Variants in ARHGAP15 observed in about 807,000 individuals in gnomAD.
ARHGAP15 encodes Rho GTPase activating protein 15.
A neutral mutation model predicts 63.7 loss-of-function variants in ARHGAP15; 51 were observed. The ratio of observed to expected loss-of-function variants is 0.80; its 90% confidence interval spans 0.64 to 1.01. The LOEUF (loss-of-function observed/expected upper bound fraction) is 1.01. Ranked by LOEUF, ARHGAP15 falls within the 50% of genes least tolerant of loss-of-function variation. ARHGAP15 has a pLI of 0.00. For missense variants in ARHGAP15, 560 were observed against 564.6 expected (o/e 0.99, Z 0.08); for synonymous variants, 191 against 193.8 (o/e 0.99, Z 0.12).
At chr2:143,587,865 TG>T (rs1697170879) in intron 11 of ARHGAP15, 6 of 377,120 alleles carry the variant, frequency 1.6e-5, no homozygotes, top group South Asian at 1.3e-4. Context: ...TAGTATTGAG[TG>T]ATAGAAGAGC....
At chr2:143,465,246 G>A (rs938680515) in intron 8 of ARHGAP15, among the ~76,000 whole-genome samples, 2 of 152,152 alleles carry the variant, frequency 1.3e-5, no homozygotes, top group East Asian at 3.9e-4. Flanking sequence ...AATCAAGAGA[G>A]GGAGGACAAG....
At chr2:143,690,652 A>G (rs1265059505) in intron 12 of ARHGAP15, among the ~76,000 whole-genome samples, 1 of 152,126 alleles carries the variant, frequency 6.6e-6, no homozygotes, top group Non-Finnish European at 1.5e-5. Flanking sequence ...ATTTTTTTTC[A>G]CTATCTAAAC....
chr2:143,620,035 T>C (rs185940011), intron 11 of ARHGAP15, among the ~76,000 whole-genome samples: 201 of 152,308 alleles, frequency 1.3e-3, no homozygotes, highest in Middle Eastern at 3.4e-3. Flanking sequence ...CTTACAATGT[T>C]TGTTCAGTGT....
intron 2 of ARHGAP15, among the ~76,000 whole-genome samples, chr2:143,168,147 A>G (rs1305506481): frequency 6.6e-6 from 1 of 152,098 alleles, no homozygotes; most frequent in Non-Finnish European, 1.5e-5. Flanking sequence ...TCTCATTTGG[A>G]CTTAATTTCA....
intron 8 of ARHGAP15, among the ~76,000 whole-genome samples, chr2:143,460,285 C>T (rs905476593): frequency 3.3e-5 from 5 of 152,194 alleles, no homozygotes; most frequent in Non-Finnish European, 1.5e-5. Context: ...CTCTTCTCTT[C>T]TGAAATTCAA....
chr2:143,411,779 T>A (rs1217415482), intron 6 of ARHGAP15, among the ~76,000 whole-genome samples: 1 of 152,178 alleles, frequency 6.6e-6, no homozygotes, highest in Non-Finnish European at 1.5e-5. Flanking sequence ...CAAAAATACA[T>A]GTCAATTAAA....
intron 11 of ARHGAP15, among the ~76,000 whole-genome samples, chr2:143,557,456 A>G (rs1368666383): frequency 6.6e-6 from 1 of 152,104 alleles, no homozygotes; most frequent in East Asian, 1.9e-4. Context: ...GAGTGGAAGC[A>G]GTAGGACGAG....
chr2:143,215,060 A>C (rs928250240), intron 3 of ARHGAP15, among the ~76,000 whole-genome samples: 4 of 152,226 alleles, frequency 2.6e-5, no homozygotes, highest in African/African-American at 9.6e-5. Flanking sequence ...CAGGTGTGAA[A>C]GGTACAGTTT....
At chr2:143,605,036 G>A (rs1238994011) in intron 11 of ARHGAP15, among the ~76,000 whole-genome samples, 1 of 152,102 alleles carries the variant, frequency 6.6e-6, no homozygotes, top group Admixed American at 6.5e-5. Context: ...AGCCTCCTGA[G>A]TAGCTAGGAT....
chr2:143,726,602 A>G lies in ARHGAP15; in HGVS notation c.1244+23078A>G, dbSNP rs567520168. 3.9e-5 allele frequency among the ~76,000 whole-genome samples: 6 copies of G among 152,340 alleles called. No individual in the cohort carries two copies. The South Asian group carries it at 1.2e-3, about 32-fold the overall frequency. ...TACATGGAGACGTTTGATCTAAATT[A>G]CACTCCAAACCACACCAAATTGGGA... On this transcript the variant is annotated intron_variant, in intron 13 of 13. Transcript: ENST00000295095.
intron 8 of ARHGAP15, among the ~76,000 whole-genome samples, chr2:143,438,795 A>T (rs1025693995): frequency 6.6e-6 from 1 of 152,140 alleles, no homozygotes; most frequent in Non-Finnish European, 1.5e-5. Flanking sequence ...GGGAGTATAT[A>T]TTTAGTGTTA....
chr2:143,338,628 T>A (rs188835489), intron 6 of ARHGAP15, among the ~76,000 whole-genome samples: 1 of 152,316 alleles, frequency 6.6e-6, no homozygotes, highest in East Asian at 1.9e-4. Context: ...ACTGTCAGAA[T>A]AATGACTTTA....
chr2:143,581,551 C>A (rs1574660734), intron 11 of ARHGAP15, among the ~76,000 whole-genome samples: 1 of 152,264 alleles, frequency 6.6e-6, no homozygotes, highest in East Asian at 1.9e-4. Context: ...TTTGCCATAG[C>A]ATTTAGTACT....
chr2:143,432,298 A>G (rs1689423276), intron 6 of ARHGAP15, among the ~76,000 whole-genome samples: 1 of 152,082 alleles, frequency 6.6e-6, no homozygotes, highest in South Asian at 2.1e-4. Flanking sequence ...TAAAAAATCT[A>G]ATAGCATAAA....
intron 12 of ARHGAP15, among the ~76,000 whole-genome samples, chr2:143,639,542 G>T (rs1252880479): frequency 2.0e-5 from 3 of 152,090 alleles, no homozygotes; most frequent in African/African-American, 7.2e-5. Flanking sequence ...TGTGCAAAAT[G>T]CATCACTAGA....
At chr2:143,767,846 G>A in intron 13 of ARHGAP15, 143 bp from the exon 14 acceptor site, 2 of 802,394 alleles carry the variant, frequency 2.5e-6, no homozygotes, top group Non-Finnish European at 3.8e-6. Flanking sequence ...CTTCCATACA[G>A]TAAAGTATGT....
At chr2:143,166,010 G>A (rs1690506393) in intron 2 of ARHGAP15, among the ~76,000 whole-genome samples, 1 of 136,758 alleles carries the variant, frequency 7.3e-6, no homozygotes, top group Non-Finnish European at 1.6e-5. Flanking sequence ...AAGAAGGAAG[G>A]AAGGAAAAAA....
chr2:143,171,413 G>A (rs942196592), intron 2 of ARHGAP15, among the ~76,000 whole-genome samples: 1 of 152,066 alleles, frequency 6.6e-6, no homozygotes, highest in African/African-American at 2.4e-5. Context: ...GAAACAACAC[G>A]GCAGGAAGAG....
At chr2:143,315,414 A>T (rs1558886221) in intron 6 of ARHGAP15, among the ~76,000 whole-genome samples, 1 of 152,200 alleles carries the variant, frequency 6.6e-6, no homozygotes, top group Non-Finnish European at 1.5e-5. Flanking sequence ...TGATATTATT[A>T]TAATAACAAT....
Sources: allele counts gnomAD v4.1 joint callset (sites outside exome capture counted in the v4.1 genomes callset), GRCh38; gene constraint gnomAD v4.1.1; transcripts MANE v1.5; gene names NCBI Gene and HGNC (gene_info 2026-07-23, HGNC 2026-07-21).